The following PAPPA2 variants were observed in gnomAD, a reference collection of about 807,000 sequenced individuals.
PAPPA2 encodes the protein pappalysin-2.
A neutral mutation model predicts 176.4 loss-of-function variants in PAPPA2; 86 were observed. The observed-to-expected ratio is 0.49, with a 90% CI of 0.41 to 0.58. The LOEUF (loss-of-function observed/expected upper bound fraction) is 0.58, where lower values mean the gene tolerates loss of function less well. Among genes scored for constraint, PAPPA2 ranks in the 20% least tolerant of loss-of-function variants. The probability of loss-of-function intolerance (pLI) is 0.00; values close to 1 mark genes in which losing one functional copy is unlikely to be tolerated. For synonymous variants in PAPPA2, 809 were observed against 852.2 expected (o/e 0.95, Z 0.88); for missense variants, 2,073 against 2,256.9 (o/e 0.92, Z 1.65).
intron 5 of PAPPA2, chr1:176,690,699 C>T: frequency 8.0e-7 from 1 of 1,256,068 alleles, no homozygotes; most frequent in Non-Finnish European, 1.0e-6. Flanking sequence ...AAAAAAGGCA[C>T]AGAGCCAAAA....
At chr1:176,481,666 C>T (rs1652410097) in intron 1 of PAPPA2, among the ~76,000 whole-genome samples, 1 of 152,120 alleles carries the variant, frequency 6.6e-6, no homozygotes, top group South Asian at 2.1e-4. Flanking sequence ...ACTTATACTC[C>T]TCTGATCTTG....
chr1:176,545,275 T>C (rs1237446164), intron 1 of PAPPA2, among the ~76,000 whole-genome samples: 1 of 152,062 alleles, frequency 6.6e-6, no homozygotes, highest in African/African-American at 2.4e-5. Flanking sequence ...AATGCTCCTT[T>C]CACCTTTGTC....
chr1:176,665,483 C>T (rs1371246973), intron 3 of PAPPA2, among the ~76,000 whole-genome samples: 1 of 152,134 alleles, frequency 6.6e-6, no homozygotes, highest in African/African-American at 2.4e-5. Flanking sequence ...TGCTGACGTC[C>T]CTTAATTCTT....
At chr1:176,547,618 G>C (rs1483466803) in intron 1 of PAPPA2, among the ~76,000 whole-genome samples, 1 of 152,112 alleles carries the variant, frequency 6.6e-6, no homozygotes, top group African/African-American at 2.4e-5. Flanking sequence ...TCTACACAGG[G>C]TCTCTCAACC....
chr1:176,595,398 C>T lies in PAPPA2; in HGVS notation c.1794C>T (p.Pro598=), dbSNP rs753875696. Residue 598 remains proline, a synonymous_variant, in exon 3 of 23, where the codon CCC becomes CCT. Coordinates refer to ENST00000367662, the MANE Select transcript of PAPPA2 (RefSeq NM_020318.3). The part of the protein sequence containing the change: ...PSKIGNDHCD[P]ECEHPLTGYD... Reference sequence around the variant, plus strand: ...AGATTGGCAATGACCATTGTGACCCCGAGTGTGAGCACCCACTCACAGGCT... The same window carrying T: ...AGATTGGCAATGACCATTGTGACCCTGAGTGTGAGCACCCACTCACAGGCT... The T allele has an allele frequency of 4.8e-5, 77 of 1,614,050 alleles. No individual in the cohort carries two copies. The highest frequency in any genetic ancestry group is 6.7e-5 in the East Asian group (3 of 44,880).
chr1:176,522,259 T>TGGAC (rs1254189177), intron 1 of PAPPA2, among the ~76,000 whole-genome samples: 4 of 152,244 alleles, frequency 2.6e-5, no homozygotes, highest in Non-Finnish European at 5.9e-5. Context: ...TGTAGCAATA[T>TGGAC]GGACTTCAAA....
At chr1:176,787,342 C>G (rs1257693323) in intron 17 of PAPPA2, among the ~76,000 whole-genome samples, 2 of 151,998 alleles carry the variant, frequency 1.3e-5, no homozygotes, top group Non-Finnish European at 2.9e-5. Context: ...TCAAGCCATC[C>G]TCCCACCTCA....
intron 14 of PAPPA2, among the ~76,000 whole-genome samples, chr1:176,764,299 G>A (rs560875575): frequency 6.6e-6 from 1 of 152,250 alleles, no homozygotes; most frequent in Admixed American, 6.5e-5. Flanking sequence ...TTGAGCAAAG[G>A]TACACAAATG....
chr1:176,544,937 G>A (rs765589923), intron 1 of PAPPA2, among the ~76,000 whole-genome samples: 5 of 152,164 alleles, frequency 3.3e-5, no homozygotes, highest in South Asian at 2.1e-4. Context: ...CAAGGTATGG[G>A]GAAGGGGCAC....
chr1:176,766,779 A>G (rs1049086978), intron 15 of PAPPA2, among the ~76,000 whole-genome samples: 4 of 152,214 alleles, frequency 2.6e-5, no homozygotes, highest in African/African-American at 9.6e-5. Context: ...TGACCATATT[A>G]TAAGATAGAA....
chr1:176,489,370 G>A (rs931896637), intron 1 of PAPPA2, among the ~76,000 whole-genome samples: 1 of 152,126 alleles, frequency 6.6e-6, no homozygotes, highest in Non-Finnish European at 1.5e-5. Flanking sequence ...CTTCCCAAGG[G>A]CTGCAGTCTC....
chr1:176,536,425 T>C (rs1022419572), intron 1 of PAPPA2, among the ~76,000 whole-genome samples: 7 of 152,192 alleles, frequency 4.6e-5, no homozygotes, highest in Admixed American at 2.6e-4. Context: ...ACACACATGG[T>C]ATAGATTTAT....
chr1:176,609,097 G>C (rs919371830), intron 3 of PAPPA2, among the ~76,000 whole-genome samples: 2 of 152,188 alleles, frequency 1.3e-5, no homozygotes, highest in African/African-American at 4.8e-5. Flanking sequence ...TAGTAATCTA[G>C]ATAGAAAAGG....
chr1:176,824,733 C>T (rs1666791223), intron 21 of PAPPA2, among the ~76,000 whole-genome samples: 1 of 152,154 alleles, frequency 6.6e-6, no homozygotes, highest in Non-Finnish European at 1.5e-5. Context: ...CCCTTTGTCC[C>T]ATTTTTCCCC....
chr1:176,657,855 C>G (rs535777340), intron 3 of PAPPA2, among the ~76,000 whole-genome samples: 22 of 151,994 alleles, frequency 1.4e-4, no homozygotes, highest in African/African-American at 5.3e-4. Flanking sequence ...CATTGCATGG[C>G]TAACATCCTA....
At chr1:176,579,612 C>T (rs987764660) in intron 2 of PAPPA2, among the ~76,000 whole-genome samples, 2 of 152,230 alleles carry the variant, frequency 1.3e-5, no homozygotes, top group Non-Finnish European at 2.9e-5. Context: ...TAATGTCACA[C>T]TCACCAGCCC....
intron 1 of PAPPA2, among the ~76,000 whole-genome samples, chr1:176,507,601 C>A (rs527636240): frequency 6.6e-5 from 10 of 152,070 alleles, no homozygotes; most frequent in Non-Finnish European, 1.3e-4. Context: ...TACTACACAG[C>A]CATAAGAAAG....
chr1:176,704,053 C>T (rs1467918634), intron 9 of PAPPA2, among the ~76,000 whole-genome samples: 1 of 152,114 alleles, frequency 6.6e-6, no homozygotes, highest in Non-Finnish European at 1.5e-5. Flanking sequence ...GCCCTCTGTC[C>T]TAGTGTCTTC....
intron 12 of PAPPA2, among the ~76,000 whole-genome samples, chr1:176,725,710 G>A (rs759923361): frequency 3.9e-5 from 6 of 152,058 alleles, no homozygotes; most frequent in East Asian, 1.9e-4. Flanking sequence ...GCACGCGCGC[G>A]CACACACACA....
Sources: allele counts gnomAD v4.1 joint callset (sites outside exome capture counted in the v4.1 genomes callset), GRCh38; gene constraint gnomAD v4.1.1; transcripts MANE v1.5; gene names NCBI Gene and HGNC (gene_info 2026-07-23, HGNC 2026-07-21).